Variants in SDK1 observed in about 807,000 individuals in gnomAD.
SDK1 encodes the protein protein sidekick-1.
In SDK1, 157 loss-of-function variants were observed where a neutral mutation model predicts 245.5. The ratio of observed to expected loss-of-function variants is 0.64; its 90% CI spans 0.56 to 0.73. The LOEUF is 0.73. SDK1 is among the 30% of genes least tolerant of loss of function. The pLI, the probability that SDK1 is intolerant of heterozygous loss-of-function variation, is 0.00. For synonymous variants in SDK1, 1,647 were observed against 1,278.5 expected (o/e 1.29, Z -6.15); for missense variants, 3,583 against 3,002.3 (o/e 1.19, Z -4.52).
At chr7:3,901,693 T>C (rs967936781) in intron 5 of SDK1, among the ~76,000 whole-genome samples, 1 of 152,216 alleles carries the variant, frequency 6.6e-6, no homozygotes, top group African/African-American at 2.4e-5. Flanking sequence ...TTCTTAACAC[T>C]CTTTACTCAC....
intron 1 of SDK1, among the ~76,000 whole-genome samples, chr7:3,477,687 A>AT (rs1237394534): frequency 1.3e-5 from 2 of 151,176 alleles, no homozygotes; most frequent in East Asian, 1.9e-4. Context: ...CTAATTTTTA[A>AT]TTTTTTTGTG....
At chr7:3,842,313 C>T (rs1477033334) in intron 5 of SDK1, among the ~76,000 whole-genome samples, 1 of 152,184 alleles carries the variant, frequency 6.6e-6, no homozygotes, top group Non-Finnish European at 1.5e-5. Flanking sequence ...GATGATGCCT[C>T]CACTGGAGAA....
chr7:3,628,726 C>G (rs546314828), intron 2 of SDK1, among the ~76,000 whole-genome samples: 1 of 152,162 alleles, frequency 6.6e-6, no homozygotes, highest in Non-Finnish European at 1.5e-5. Flanking sequence ...TTTACTGCCT[C>G]ATTTGAAACA....
intron 43 of SDK1, among the ~76,000 whole-genome samples, chr7:4,242,952 C>T (rs935521963): frequency 6.6e-6 from 1 of 152,326 alleles, no homozygotes; most frequent in Admixed American, 6.5e-5. Flanking sequence ...TCCAAAGCAC[C>T]GCAGGCCGCC....
intron 1 of SDK1, among the ~76,000 whole-genome samples, chr7:3,578,799 A>G (rs1314065444): frequency 6.6e-6 from 1 of 151,832 alleles, no homozygotes; most frequent in East Asian, 1.9e-4. Flanking sequence ...CTTGTTCCCT[A>G]AAATCGCTGT....
At chr7:4,102,957 A>T (rs1782658071) in intron 22 of SDK1, among the ~76,000 whole-genome samples, 1 of 59,504 alleles carries the variant, frequency 1.7e-5, no homozygotes, top group Admixed American at 1.4e-4. Flanking sequence ...AAAAAGTTAA[A>T]AAAAAAAAAA....
rs116982240 is a variant in SDK1 at position 3,591,960 on chromosome 7, C to T, written c.299-27120C>T. On this transcript the variant is annotated intron_variant, in intron 1 of 44. Coordinates refer to ENST00000404826, the MANE Select transcript of SDK1 (RefSeq NM_152744.4). ...CAAAAGGTGACTTCTCTTAGATGCC[C>T]GGATACAGATGACAAACAAGGCTAC... Among the ~76,000 whole-genome samples, 1,121 of 152,174 alleles carry T rather than the reference C, an allele frequency of 7.4e-3. 56 individuals carry two copies. The highest frequency in any genetic ancestry group is 0.066 in the Admixed American group (1,005 of 15,276).
intron 1 of SDK1, among the ~76,000 whole-genome samples, chr7:3,504,265 CGTTGTTGTT>C (rs369977701): frequency 2.0e-4 from 29 of 146,624 alleles, no homozygotes; most frequent in African/African-American, 3.8e-4. Context: ...CTGTTGTTGT[CGTTGTTGTT>C]GTTGTTGTTG....
chr7:3,728,018 G>C (rs1368515903), intron 4 of SDK1, among the ~76,000 whole-genome samples: 1 of 152,226 alleles, frequency 6.6e-6, no homozygotes, highest in South Asian at 2.1e-4. Context: ...AGGGGCACTG[G>C]TTAGGTATTT....
chr7:4,260,786 A>G (rs1237563791), intron 44 of SDK1, among the ~76,000 whole-genome samples: 1 of 143,324 alleles, frequency 7.0e-6, no homozygotes, highest in Non-Finnish European at 1.5e-5. Context: ...GTGTGTGGGA[A>G]GATGTGTTCA....
intron 4 of SDK1, among the ~76,000 whole-genome samples, chr7:3,743,768 T>G (rs1438878944): frequency 6.6e-6 from 1 of 152,060 alleles, no homozygotes; most frequent in Non-Finnish European, 1.5e-5. Context: ...TATAAAGAGT[T>G]GAACCGAGTG....
chr7:3,457,911 T>G (rs563124302), intron 1 of SDK1, among the ~76,000 whole-genome samples: 1 of 152,228 alleles, frequency 6.6e-6, no homozygotes, highest in African/African-American at 2.4e-5. Flanking sequence ...AGTAAATGTT[T>G]AGACACTTTT....
At chr7:3,723,648 T>A (rs975144419) in intron 4 of SDK1, among the ~76,000 whole-genome samples, 17 of 148,564 alleles carry the variant, frequency 1.1e-4, no homozygotes, top group African/African-American at 4.1e-4. Flanking sequence ...ATTCAGTTAG[T>A]AAGTAAAAGT....
intron 32 of SDK1, among the ~76,000 whole-genome samples, chr7:4,170,542 C>T (rs1282804671): frequency 1.3e-5 from 2 of 152,170 alleles, no homozygotes; most frequent in Non-Finnish European, 2.9e-5. Context: ...ACAGGATTTC[C>T]ACCACGCCCC....
intron 1 of SDK1, among the ~76,000 whole-genome samples, chr7:3,607,860 T>C (rs545440745): frequency 6.6e-6 from 1 of 152,228 alleles, no homozygotes. Context: ...TCTGCACACA[T>C]TGGGTAATTT....
intron 44 of SDK1, among the ~76,000 whole-genome samples, chr7:4,249,660 A>C (rs1172122407): frequency 1.3e-5 from 2 of 152,272 alleles, no homozygotes; most frequent in Admixed American, 6.5e-5. Flanking sequence ...CAGGTTTTTG[A>C]GTGGATAAAG....
At chr7:3,581,527 A>G (rs1780495357) in intron 1 of SDK1, among the ~76,000 whole-genome samples, 1 of 152,174 alleles carries the variant, frequency 6.6e-6, no homozygotes, top group South Asian at 2.1e-4. Context: ...GGGAAAGGGG[A>G]GCACTTACAC....
intron 1 of SDK1, among the ~76,000 whole-genome samples, chr7:3,493,947 T>A (rs1353032188): frequency 6.6e-6 from 1 of 152,222 alleles, no homozygotes; most frequent in Non-Finnish European, 1.5e-5. Flanking sequence ...GTTTCAGTGG[T>A]TTTGTATAGC....
chr7:4,178,275 CT>C (rs1293418492), intron 34 of SDK1, among the ~76,000 whole-genome samples: 1 of 152,114 alleles, frequency 6.6e-6, no homozygotes, highest in Non-Finnish European at 1.5e-5. Flanking sequence ...ATGGGTACGT[CT>C]TTTGCTTAAT....
Sources: gnomAD v4.1 joint callset for allele counts (sites outside exome capture counted in the v4.1 genomes callset) on GRCh38, gnomAD v4.1.1 for gene constraint, MANE v1.5 for transcripts, NCBI Gene and HGNC (gene_info 2026-07-23, HGNC 2026-07-21) for gene names.